The following PTPRD variants were observed in gnomAD, a reference collection of about 807,000 sequenced individuals.
PTPRD encodes the protein protein tyrosine phosphatase receptor type D, also known as receptor-type tyrosine-protein phosphatase delta.
A neutral mutation model predicts 214.5 loss-of-function variants in PTPRD; 34 were observed. That is an observed-to-expected ratio of 0.16 (90% CI 0.12 to 0.21). The LOEUF is 0.21. PTPRD is among the 10% of genes least tolerant of loss of function. The pLI, the probability that PTPRD is intolerant of heterozygous loss-of-function variation, is 1.00. For synonymous variants in PTPRD, 1,128 were observed against 845.7 expected (o/e 1.33, Z -5.79); for missense variants, 2,545 against 2,398.7 (o/e 1.06, Z -1.27).
At chr9:9,237,887 T>C (rs2099967927) in intron 9 of PTPRD, among the ~76,000 whole-genome samples, 1 of 152,152 alleles carries the variant, frequency 6.6e-6, no homozygotes, top group Non-Finnish European at 1.5e-5. Flanking sequence ...TTGAGAAACT[T>C]AAAATCTCCT....
intron 6 of PTPRD, among the ~76,000 whole-genome samples, chr9:9,751,848 C>T (rs559061486): frequency 1.3e-5 from 2 of 152,130 alleles, no homozygotes; most frequent in South Asian, 4.1e-4. Flanking sequence ...AGAAAACTGA[C>T]ACACTACTCA....
chr9:10,516,166 T>A (rs561546945), intron 2 of PTPRD, among the ~76,000 whole-genome samples: 2 of 152,058 alleles, frequency 1.3e-5, no homozygotes, highest in African/African-American at 4.8e-5. Context: ...TTTTCCACAG[T>A]TGTTTCACAT....
intron 3 of PTPRD, among the ~76,000 whole-genome samples, chr9:10,056,259 T>A (rs1196535579): frequency 6.6e-6 from 1 of 151,304 alleles, no homozygotes; most frequent in Non-Finnish European, 1.5e-5. Context: ...AGGCGGAGAT[T>A]GCAGTGAGCT....
At chr9:9,476,822 A>G (rs2095080366) in intron 8 of PTPRD, among the ~76,000 whole-genome samples, 1 of 151,928 alleles carries the variant, frequency 6.6e-6, no homozygotes, top group Admixed American at 6.6e-5. Flanking sequence ...CGCAACCTCC[A>G]CCTCCTGGGT....
intron 10 of PTPRD, among the ~76,000 whole-genome samples, chr9:9,051,657 T>G (rs1418912317): frequency 6.6e-6 from 1 of 152,080 alleles, no homozygotes; most frequent in Admixed American, 6.5e-5. Flanking sequence ...ATAAAATAAG[T>G]TAATGTTAGG....
chr9:9,746,818 T>G (rs1463107066), intron 6 of PTPRD, among the ~76,000 whole-genome samples: 3 of 118,618 alleles, frequency 2.5e-5, no homozygotes, highest in Admixed American at 2.4e-4. Context: ...TTGAAAAGTT[T>G]TTTTTTTTTT....
chr9:10,364,997 A>G (rs555702614), intron 2 of PTPRD, among the ~76,000 whole-genome samples: 231 of 152,244 alleles, frequency 1.5e-3, no homozygotes, highest in Middle Eastern at 3.4e-3. Flanking sequence ...CCACCTGCTC[A>G]TTAATTAGGA....
At chr9:9,524,284 T>C (rs2073474348) in intron 8 of PTPRD, among the ~76,000 whole-genome samples, 1 of 152,176 alleles carries the variant, frequency 6.6e-6, no homozygotes, top group Non-Finnish European at 1.5e-5. Context: ...TTTCCCTTCC[T>C]TCCTCCCTCT....
intron 11 of PTPRD, among the ~76,000 whole-genome samples, chr9:8,961,621 G>T (rs1453443628): frequency 6.6e-6 from 1 of 152,078 alleles, no homozygotes; most frequent in Non-Finnish European, 1.5e-5. Context: ...CAACCACTGT[G>T]GCTGATTTCA....
chr9:9,509,207 T>C (rs2096641148), intron 8 of PTPRD, among the ~76,000 whole-genome samples: 1 of 151,702 alleles, frequency 6.6e-6, no homozygotes, highest in Admixed American at 6.6e-5. Context: ...AAAATACACA[T>C]ATATCTAATT....
At chr9:8,992,481 T>C (rs1296156279) in intron 11 of PTPRD, among the ~76,000 whole-genome samples, 2 of 152,210 alleles carry the variant, frequency 1.3e-5, no homozygotes, top group African/African-American at 4.8e-5. Context: ...GCTCTCACTC[T>C]AGAGAGAATG....
At chr9:10,554,954 C>T (rs1342074278) in intron 2 of PTPRD, among the ~76,000 whole-genome samples, 2 of 152,226 alleles carry the variant, frequency 1.3e-5, no homozygotes, top group Non-Finnish European at 2.9e-5. Context: ...GCCACCGCTC[C>T]AGGCTATACA....
At chr9:8,839,754 T>G (rs2097522683) in intron 11 of PTPRD, among the ~76,000 whole-genome samples, 1 of 152,192 alleles carries the variant, frequency 6.6e-6, no homozygotes, top group Admixed American at 6.5e-5. Flanking sequence ...CCTCAAAGCT[T>G]TGTATTGATA....
chr9:8,535,138 G>A (rs1009552705), intron 14 of PTPRD, among the ~76,000 whole-genome samples: 1 of 151,844 alleles, frequency 6.6e-6, no homozygotes, highest in African/African-American at 2.4e-5. Flanking sequence ...AATGTGCCTA[G>A]TGCTGCCTGG....
intron 11 of PTPRD, among the ~76,000 whole-genome samples, chr9:8,997,596 G>A (rs916512305): frequency 7.2e-5 from 11 of 151,904 alleles, no homozygotes; most frequent in Non-Finnish European, 1.5e-4. Flanking sequence ...CTCCCTGTTC[G>A]CTGAAACACA....
At position 9,866,332 on chromosome 9, in the gene PTPRD, C is replaced by A. The variant is rs77598616; in HGVS notation, c.-368+72175G>T. The stretch of plus-strand genomic sequence containing the variant: ...CATAACACTTATTACAGTGTTATAG[C>A]TTTAGGAATAATTTGATAGCTTTAA... On this transcript the variant is annotated intron_variant, in intron 5 of 45. Transcript: ENST00000381196. 4.7e-3 allele frequency among the ~76,000 whole-genome samples: 710 copies of A among 152,148 alleles called. 13 individuals carry two copies. The highest frequency in any genetic ancestry group is 0.042 in the East Asian group (216 of 5,170).
intron 8 of PTPRD, among the ~76,000 whole-genome samples, chr9:9,410,873 C>T (rs373407964): frequency 2.0e-5 from 3 of 152,130 alleles, no homozygotes; most frequent in Non-Finnish European, 2.9e-5. Flanking sequence ...ACTCTGCGAC[C>T]ACGGTTGTGC....
intron 11 of PTPRD, among the ~76,000 whole-genome samples, chr9:8,998,260 T>A (rs2099404624): frequency 6.6e-6 from 1 of 152,082 alleles, no homozygotes; most frequent in Non-Finnish European, 1.5e-5. Context: ...CTGGCTTCAG[T>A]TCTTCAAAGG....
chr9:9,415,215 C>T (rs1324350013), intron 8 of PTPRD, among the ~76,000 whole-genome samples: 3 of 152,152 alleles, frequency 2.0e-5, no homozygotes, highest in Non-Finnish European at 2.9e-5. Flanking sequence ...GACCTCTCTT[C>T]CTGTAATCCC....
Sources: allele counts gnomAD v4.1 joint callset (sites outside exome capture counted in the v4.1 genomes callset), GRCh38; gene constraint gnomAD v4.1.1; transcripts MANE v1.5; gene names NCBI Gene and HGNC (gene_info 2026-07-23, HGNC 2026-07-21).